Variants in CA10 observed in about 807,000 individuals in gnomAD.
CA10 encodes the protein carbonic anhydrase 10 (inactive), also known as carbonic anhydrase-related protein 10.
In CA10, 14 loss-of-function variants were observed where a neutral mutation model predicts 44.2. The observed-to-expected ratio is 0.32, with a 90% CI of 0.21 to 0.50. The LOEUF (loss-of-function observed/expected upper bound fraction) is 0.50. Ranked by LOEUF, CA10 falls within the 20% of genes least tolerant of loss-of-function variation. CA10 has a pLI of 0.99. For synonymous variants in CA10, 159 were observed against 141.6 expected (o/e 1.12, Z -0.87); for missense variants, 350 against 409.7 (o/e 0.85, Z 1.26).
intron 3 of CA10, among the ~76,000 whole-genome samples, chr17:51,929,442 C>T (rs1328283559): frequency 6.6e-6 from 1 of 152,156 alleles, no homozygotes; most frequent in East Asian, 1.9e-4. Flanking sequence ...CTCTAGCCTA[C>T]CATCTTGCAA....
chr17:51,777,347 C>T lies in CA10; in HGVS notation c.280-29529G>A, dbSNP rs542916649. Among the ~76,000 whole-genome samples the T allele has an allele frequency of 3.3e-4, 50 of 152,160 alleles. 1 individual carries two copies. The highest frequency in any genetic ancestry group is 4.0e-4 in the Non-Finnish European group (27 of 68,014). ...CAGTTTAGAGCTTGACTAATAAAAA[C>T]AACGTATTTCACTTGTACACAGATT... On this transcript the variant is annotated intron_variant, in intron 3 of 8. Coordinates refer to ENST00000451037, the MANE Select transcript of CA10 (RefSeq NM_020178.5).
chr17:51,974,202 G>A (rs1984377931), intron 2 of CA10, among the ~76,000 whole-genome samples: 1 of 151,926 alleles, frequency 6.6e-6, no homozygotes, highest in African/African-American at 2.4e-5. Context: ...TGGCCAACAT[G>A]GTGAAACTCC....
At chr17:51,910,344 A>G (rs1275193665) in intron 3 of CA10, among the ~76,000 whole-genome samples, 1 of 152,168 alleles carries the variant, frequency 6.6e-6, no homozygotes, top group Non-Finnish European at 1.5e-5. Context: ...GAGCAGGGAA[A>G]CACACCAGCT....
chr17:51,917,048 C>T (rs964383423), intron 3 of CA10, among the ~76,000 whole-genome samples: 11 of 152,084 alleles, frequency 7.2e-5, no homozygotes, highest in Non-Finnish European at 1.2e-4. Context: ...ATCAACTCAC[C>T]TTTCTTCTGG....
In CA10 at chr17:52,037,241, T is replaced by C. The variant is rs374228730; in HGVS notation, c.136+35078A>G. On this transcript the variant is annotated intron_variant, in intron 2 of 8. Coordinates refer to ENST00000451037, the MANE Select transcript of CA10 (RefSeq NM_020178.5). ...AGTGAAATATCACCCTGCAATATTA[T>C]GTAGGGAGAAGAGAGTTCACACCAA... Among the ~76,000 whole-genome samples the C allele has an allele frequency of 7.9e-5, 12 of 152,246 alleles. No homozygotes were observed. The East Asian group carries it at 2.3e-3, about 30-fold the overall frequency.
intron 3 of CA10, among the ~76,000 whole-genome samples, chr17:51,773,387 A>T (rs755576587): frequency 9.5e-4 from 144 of 152,194 alleles, no homozygotes; most frequent in Non-Finnish European, 1.8e-3. Context: ...GGGGATGTAA[A>T]CTGAGGCTTT....
At chr17:51,871,543 C>T (rs1979816123) in intron 3 of CA10, among the ~76,000 whole-genome samples, 1 of 150,622 alleles carries the variant, frequency 6.6e-6, no homozygotes, top group Admixed American at 6.6e-5. Context: ...CCCAGCCACA[C>T]CTGGGTAATT....
At position 51,649,254 on chromosome 17, in the gene CA10, C is replaced by T; in HGVS notation, c.562G>A (p.Val188Ile). The change falls in exon 6 of 9, where the codon GTT becomes ATT. Residue 188 changes from valine (V) to isoleucine (I), a missense_variant and splice_region_variant. Physicochemically the swap from Val to Ile is conservative, Grantham distance 29. Transcript: ENST00000451037. ...GLVVVSIFIK[V>I]SDSSNPFLNR... ...AGAAATGGGTTTGATGAATCAGAAA[C>T]CTGGAGGAGAAAAGAAAATATTAAT... is the stretch of plus-strand genomic sequence containing the variant. The T allele has an allele frequency of 6.2e-7, 1 of 1,609,116 alleles. No individual in the cohort carries two copies. The highest frequency in any genetic ancestry group is 8.5e-7 in the Non-Finnish European group (1 of 1,175,642).
intron 2 of CA10, among the ~76,000 whole-genome samples, chr17:52,021,926 CA>C (rs1274905364): frequency 2.0e-5 from 3 of 151,956 alleles, no homozygotes; most frequent in Admixed American, 6.5e-5. Context: ...GACTACCAAC[CA>C]AAAAAGGCCC....
chr17:52,003,856 C>A (rs1985510967), intron 2 of CA10, among the ~76,000 whole-genome samples: 1 of 151,516 alleles, frequency 6.6e-6, no homozygotes, highest in Non-Finnish European at 1.5e-5. Context: ...ATTTCCACTT[C>A]TATGTGCAAA....
chr17:51,716,476 AAG>A (rs200758706), intron 4 of CA10, among the ~76,000 whole-genome samples: 26,330 of 151,470 alleles, frequency 0.17, 2,596 homozygotes, highest in East Asian at 0.32. Flanking sequence ...CAGAGAAAAA[AAG>A]AAGAGAAAAA....
intron 2 of CA10, among the ~76,000 whole-genome samples, chr17:51,933,044 T>C (rs1982728201): frequency 6.6e-6 from 1 of 152,176 alleles, no homozygotes; most frequent in Non-Finnish European, 1.5e-5. Context: ...AATGTGAGCA[T>C]GCCAGGGATA....
At chr17:51,945,421 C>T (rs527466264) in intron 2 of CA10, among the ~76,000 whole-genome samples, 2 of 152,192 alleles carry the variant, frequency 1.3e-5, no homozygotes, top group African/African-American at 2.4e-5. Flanking sequence ...GGCACACATT[C>T]GATTTTGTCA....
chr17:51,657,254 G>A (rs1379945212), intron 4 of CA10, among the ~76,000 whole-genome samples: 3 of 152,202 alleles, frequency 2.0e-5, no homozygotes, highest in African/African-American at 7.2e-5. Context: ...TCAGCTGTAA[G>A]AACACAGTTT....
chr17:51,821,030 TCCCTCCC>T (rs1907765098), intron 3 of CA10, among the ~76,000 whole-genome samples: 1 of 14,580 alleles, frequency 6.9e-5, no homozygotes. Context: ...AATTCCTCCC[TCCCTCCC>T]TCCCTCCCTC....
At chr17:51,643,838 T>C (rs1913205596) in intron 6 of CA10, among the ~76,000 whole-genome samples, 1 of 152,226 alleles carries the variant, frequency 6.6e-6, no homozygotes, top group Admixed American at 6.5e-5. Flanking sequence ...TACCACTCAT[T>C]GTTCAGGCAT....
chr17:51,843,906 TA>T (rs1406972387), intron 3 of CA10, among the ~76,000 whole-genome samples: 4 of 152,150 alleles, frequency 2.6e-5, no homozygotes, highest in African/African-American at 9.7e-5. Context: ...ATTGACCCCT[TA>T]AAAAATCAGT....
At chr17:51,992,135 A>C (rs1460657485) in intron 2 of CA10, among the ~76,000 whole-genome samples, 1 of 152,034 alleles carries the variant, frequency 6.6e-6, no homozygotes, top group Admixed American at 6.6e-5. Context: ...TGAACCTTCC[A>C]ATCCTATTCT....
chr17:51,873,982 G>A (rs878985781), intron 3 of CA10, among the ~76,000 whole-genome samples: 1 of 152,340 alleles, frequency 6.6e-6, no homozygotes, highest in Admixed American at 6.5e-5. Context: ...GGCTTCTATT[G>A]TGTGTTCTTA....
Sources: gnomAD v4.1 joint callset for allele counts (sites outside exome capture counted in the v4.1 genomes callset) on GRCh38, gnomAD v4.1.1 for gene constraint, MANE v1.5 for transcripts, NCBI Gene and HGNC (gene_info 2026-07-23, HGNC 2026-07-21) for gene names.